Variants in SLC30A6 observed in about 807,000 individuals in gnomAD.
SLC30A6 encodes the protein zinc transporter 6.
A neutral mutation model predicts 63.0 loss-of-function variants in SLC30A6; 55 were observed. That is an observed-to-expected ratio of 0.87 (90% CI 0.70 to 1.09). The LOEUF is 1.09. SLC30A6 is among the 50% of genes least tolerant of loss of function. SLC30A6 has a pLI of 0.00. For missense variants in SLC30A6, 587 were observed against 549.2 expected (o/e 1.07, Z -0.69); for synonymous variants, 224 against 186.1 (o/e 1.20, Z -1.66).
At chr2:32,174,018 A>C in intron 2 of SLC30A6, 45 bp from the exon 3 acceptor site, 1 of 1,472,194 alleles carries the variant, frequency 6.8e-7, no homozygotes, top group Non-Finnish European at 9.4e-7. Flanking sequence ...GACCCCGTGA[A>C]ATTTATCACT....
intron 5 of SLC30A6, among the ~76,000 whole-genome samples, chr2:32,188,393 T>C (rs1040949553): frequency 2.6e-5 from 4 of 152,172 alleles, no homozygotes; most frequent in African/African-American, 9.7e-5. Context: ...GTCCCTACCC[T>C]TTAAAAGGTA....
At chr2:32,173,755 A>G (rs1681449118) in intron 2 of SLC30A6, among the ~76,000 whole-genome samples, 1 of 152,174 alleles carries the variant, frequency 6.6e-6, no homozygotes, top group Non-Finnish European at 1.5e-5. Flanking sequence ...CGTTGTCTCT[A>G]TAATATGTAC....
intron 10 of SLC30A6, among the ~76,000 whole-genome samples, chr2:32,198,351 C>A (rs1038447162): frequency 2.0e-5 from 3 of 152,144 alleles, no homozygotes; most frequent in African/African-American, 7.2e-5. Context: ...TTTTTGTTTG[C>A]TACTTCTGTG....
intron 2 of SLC30A6, among the ~76,000 whole-genome samples, chr2:32,172,142 T>C (rs556218975): frequency 2.6e-5 from 4 of 152,372 alleles, no homozygotes; most frequent in African/African-American, 9.6e-5. Flanking sequence ...TGATAAACTC[T>C]CTGAGGGAAG....
At chr2:32,212,894 ATTTT>A (rs10522618) in intron 13 of SLC30A6, among the ~76,000 whole-genome samples, 19 of 118,242 alleles carry the variant, frequency 1.6e-4, no homozygotes, top group African/African-American at 5.2e-4. Flanking sequence ...TGTGTCCAGC[ATTTT>A]TTTTTTTTTT....
intron 4 of SLC30A6, among the ~76,000 whole-genome samples, chr2:32,177,916 A>C (rs576515253): frequency 2.0e-5 from 3 of 149,462 alleles, no homozygotes; most frequent in African/African-American, 7.4e-5. Flanking sequence ...GGCGTGAGCC[A>C]CTGTGCCCTT....
chr2:32,166,800 T>C (rs538598084), intron 1 of SLC30A6, among the ~76,000 whole-genome samples: 12 of 152,376 alleles, frequency 7.9e-5, no homozygotes, highest in African/African-American at 2.6e-4. Flanking sequence ...ACACACTTTA[T>C]GTTTTGTAAA....
chr2:32,172,162 C>T (rs1446206297), intron 2 of SLC30A6, among the ~76,000 whole-genome samples: 1 of 152,200 alleles, frequency 6.6e-6, no homozygotes, highest in Admixed American at 6.5e-5. Flanking sequence ...GTGACTGTCT[C>T]TATTTTGCTC....
intron 1 of SLC30A6, 92 bp downstream of exon 1, chr2:32,165,995 C>T: frequency 6.4e-7 from 1 of 1,562,330 alleles, no homozygotes; most frequent in Non-Finnish European, 8.8e-7. Context: ...CTCAGCCACC[C>T]AGAGGAGGGG....
intron 13 of SLC30A6, among the ~76,000 whole-genome samples, chr2:32,212,974 T>C (rs1285281056): frequency 2.0e-5 from 3 of 147,904 alleles, no homozygotes; most frequent in Non-Finnish European, 3.0e-5. Context: ...GGTACAGATA[T>C]AGCTCACTGC....
chr2:32,175,807 C>G lies in SLC30A6; in HGVS notation c.218+446C>G, dbSNP rs1178066272. ...CCTGGCCAACATGGTGAAACCCCGT[C>G]TCTACTAAAAATACAAATAGCCAGG... On this transcript the variant is annotated intron_variant, in intron 4 of 13. Coordinates refer to ENST00000282587, the MANE Select transcript of SLC30A6 (RefSeq NM_017964.5). 2.0e-5 allele frequency among the ~76,000 whole-genome samples: 3 copies of G among 152,056 alleles called. No homozygotes were observed. In the East Asian group the frequency reaches 5.8e-4, roughly 29 times the overall value.
chr2:32,207,621 C>T (rs1157994919), intron 12 of SLC30A6, among the ~76,000 whole-genome samples: 3 of 151,386 alleles, frequency 2.0e-5, no homozygotes, highest in African/African-American at 4.9e-5. Context: ...GTGATCCACC[C>T]GCCTCGGCCT....
chr2:32,185,918 A>G (rs1168212501), intron 5 of SLC30A6, among the ~76,000 whole-genome samples: 1 of 146,172 alleles, frequency 6.8e-6, no homozygotes, highest in Non-Finnish European at 1.5e-5. Context: ...TTTAGTAGAG[A>G]TGGGGTTTCA....
At chr2:32,168,422 TAATATA>T (rs1185737299) in intron 1 of SLC30A6, among the ~76,000 whole-genome samples, 5 of 145,694 alleles carry the variant, frequency 3.4e-5, no homozygotes, top group African/African-American at 4.9e-5. Context: ...AAAATATAAA[TAATATA>T]AATATATAAT....
At chr2:32,193,847 C>T in intron 7 of SLC30A6, 42 bp from the exon 8 acceptor site, 1 of 1,507,356 alleles carries the variant, frequency 6.6e-7, no homozygotes, top group Non-Finnish European at 9.2e-7. Flanking sequence ...CTGATAATAC[C>T]AAGAACAAAT....
At chr2:32,190,135 C>T (rs1269629305) in intron 5 of SLC30A6, among the ~76,000 whole-genome samples, 1 of 151,984 alleles carries the variant, frequency 6.6e-6, no homozygotes, top group East Asian at 1.9e-4. Flanking sequence ...GCCCTTCTTT[C>T]TCTTAATGGT....
chr2:32,216,037 T>C (rs1685675779), intron 13 of SLC30A6, among the ~76,000 whole-genome samples: 1 of 152,182 alleles, frequency 6.6e-6, no homozygotes, highest in African/African-American at 2.4e-5. Flanking sequence ...ACATGTGTCT[T>C]TTTGGTAGAA....
chr2:32,174,486 C>A (rs1681532638), intron 3 of SLC30A6, among the ~76,000 whole-genome samples: 1 of 151,586 alleles, frequency 6.6e-6, no homozygotes, highest in African/African-American at 2.4e-5. Context: ...AGCCACAATG[C>A]CTGGCCATTT....
intron 12 of SLC30A6, among the ~76,000 whole-genome samples, chr2:32,208,370 A>ACCTCCCGAAC (rs1192166457): frequency 6.6e-6 from 1 of 151,326 alleles, no homozygotes; most frequent in Non-Finnish European, 1.5e-5. Flanking sequence ...ACCTCAAATG[A>ACCTCCCGAAC]TCCGCCCCTT....
Sources: gnomAD v4.1 joint callset for allele counts (sites outside exome capture counted in the v4.1 genomes callset) on GRCh38, gnomAD v4.1.1 for gene constraint, MANE v1.5 for transcripts, NCBI Gene and HGNC (gene_info 2026-07-23, HGNC 2026-07-21) for gene names.